Variants in NBEA observed in about 807,000 individuals in gnomAD.
NBEA encodes the protein lysosomal-trafficking regulator 2.
NBEA carries 44 observed loss-of-function variants against 343.4 expected under a neutral mutation model. The observed-to-expected ratio is 0.13, with a 90% CI of 0.10 to 0.16. The LOEUF (loss-of-function observed/expected upper bound fraction) is 0.16, where lower values mean the gene tolerates loss of function less well. Ranked by LOEUF, NBEA falls within the 10% of genes least tolerant of loss-of-function variation. The pLI is 1.00. For synonymous variants in NBEA, 1,175 were observed against 1,238.7 expected, an observed-to-expected ratio of 0.95 and a Z score of 1.08; for missense variants, 2,555 against 3,631.3, an observed-to-expected ratio of 0.70 and a Z score of 7.62.
In NBEA at chr13:35,117,464, C is replaced by T. The variant is rs749065438; in HGVS notation, c.2053C>T (p.Leu685=). The change falls in exon 14 of 59, where the codon CTA becomes TTA. Residue 685 remains leucine (L), a synonymous_variant. Coordinates refer to ENST00000379939, the MANE Select transcript of NBEA (RefSeq NM_001385012.1). The stretch of plus-strand genomic sequence containing the variant: ...AATTATATCACTGAGGGCATTTATG[C>T]TACTTTTTCTGAAACAGCTGATACT... ...KEIISLRAFM[L]LFLKQLILKD... The T allele has an allele frequency of 5.1e-6, 7 of 1,378,044 alleles. No individual in the cohort carries two copies. The highest frequency in any genetic ancestry group is 5.7e-6 in the Non-Finnish European group (6 of 1,052,152). The allele number at this position is 1,378,044 out of a possible 1,614,324, so 85.4% of individuals were successfully genotyped here.
At chr13:35,378,402 G>T (rs961689413) in intron 38 of NBEA, among the ~76,000 whole-genome samples, 1 of 152,126 alleles carries the variant, frequency 6.6e-6, no homozygotes, top group Non-Finnish European at 1.5e-5. Flanking sequence ...ACATATTTTG[G>T]TTTTGTCCTG....
chr13:34,988,506 A>AC (rs888742788), intron 1 of NBEA, among the ~76,000 whole-genome samples: 1 of 149,956 alleles, frequency 6.7e-6, no homozygotes, highest in African/African-American at 2.4e-5. Flanking sequence ...GCAATGGCAG[A>AC]CCCCCCTGCC....
chr13:35,431,104 C>CT (rs1361718516), intron 38 of NBEA, among the ~76,000 whole-genome samples: 10 of 151,462 alleles, frequency 6.6e-5, no homozygotes, highest in African/African-American at 2.4e-4. Context: ...AAATCCATAG[C>CT]TTTTTTTTGA....
At chr13:35,602,003 A>G (rs2082077615) in intron 47 of NBEA, among the ~76,000 whole-genome samples, 1 of 152,092 alleles carries the variant, frequency 6.6e-6, no homozygotes, top group Admixed American at 6.5e-5. Context: ...TTTTGTGAAG[A>G]TTAAGAAAAT....
chr13:35,036,273 A>G (rs1373639288), intron 1 of NBEA, among the ~76,000 whole-genome samples: 1 of 152,166 alleles, frequency 6.6e-6, no homozygotes, highest in Non-Finnish European at 1.5e-5. Flanking sequence ...ACAAGCAAAA[A>G]GAAAACTAGT....
intron 36 of NBEA, among the ~76,000 whole-genome samples, chr13:35,310,964 T>C (rs1021484943): frequency 1.3e-5 from 2 of 152,190 alleles, no homozygotes; most frequent in Non-Finnish European, 2.9e-5. Flanking sequence ...AAATATCTTC[T>C]GTTTTTATAA....
chr13:35,083,167 A>G (rs2152608955), intron 10 of NBEA, among the ~76,000 whole-genome samples: 1 of 152,358 alleles, frequency 6.6e-6, no homozygotes, highest in East Asian at 1.9e-4. Flanking sequence ...ACCATTTATT[A>G]AATAGGGAAT....
chr13:35,057,135 C>G (rs1359975459), intron 7 of NBEA, among the ~76,000 whole-genome samples: 1 of 152,140 alleles, frequency 6.6e-6, no homozygotes, highest in African/African-American at 2.4e-5. Context: ...AAAGTACCTC[C>G]AAGCTCAATA....
Position 35,099,996 on chromosome 13 carries a change from C to T in NBEA, c.1680+1591C>T, listed in dbSNP as rs73498482. On this transcript the variant is annotated intron_variant, in intron 11 of 58. Transcript: ENST00000379939. ...ATATTCAGCTGCTCTGAAAATGAAA[C>T]TGTTGGAGAAGTAATAGAAGTGAGA... Among the ~76,000 whole-genome samples the T allele has an allele frequency of 6.4e-3, 977 of 152,166 alleles. 11 individuals carry two copies. The highest frequency in any genetic ancestry group is 0.023 in the African/African-American group (936 of 41,540).
intron 47 of NBEA, among the ~76,000 whole-genome samples, chr13:35,598,121 C>G (rs2081890818): frequency 6.6e-6 from 1 of 152,196 alleles, no homozygotes; most frequent in Non-Finnish European, 1.5e-5. Context: ...CACAGCAATT[C>G]CTAATTTGGA....
chr13:35,336,003 G>A (rs2039235003), intron 36 of NBEA, among the ~76,000 whole-genome samples: 1 of 152,004 alleles, frequency 6.6e-6, no homozygotes, highest in South Asian at 2.1e-4. Context: ...ATTATTGAAG[G>A]GCTGTCCTTA....
chr13:35,134,970 T>C (rs1212345855), intron 17 of NBEA, among the ~76,000 whole-genome samples: 1 of 152,040 alleles, frequency 6.6e-6, no homozygotes, highest in East Asian at 1.9e-4. Context: ...TAATTCTTGG[T>C]AATATCATTT....
chr13:34,993,704 T>G (rs992544615), intron 1 of NBEA, among the ~76,000 whole-genome samples: 1 of 152,228 alleles, frequency 6.6e-6, no homozygotes, highest in Non-Finnish European at 1.5e-5. Flanking sequence ...CGACAGGCTA[T>G]AATGTCTATC....
chr13:35,197,917 A>AT (rs2072739761), intron 31 of NBEA, among the ~76,000 whole-genome samples: 2 of 152,204 alleles, frequency 1.3e-5, no homozygotes, highest in South Asian at 4.1e-4. Context: ...ACTGGTTATC[A>AT]TGCAGAATAT....
At chr13:35,156,301 C>A in intron 20 of NBEA, 95 bp downstream of exon 20, 1 of 1,253,378 alleles carries the variant, frequency 8.0e-7, no homozygotes, top group South Asian at 1.6e-5. Context: ...TTCCATATTG[C>A]TAAATACTTT....
intron 36 of NBEA, among the ~76,000 whole-genome samples, chr13:35,320,444 A>G (rs1296330773): frequency 6.6e-6 from 1 of 152,180 alleles, no homozygotes. Flanking sequence ...TCTGGCTTGT[A>G]GGGTTTCTGC....
chr13:35,281,504 A>G lies in NBEA; in HGVS notation c.5777-8885A>G, dbSNP rs911367684. ...AGTGAGGTTCGCCTGACTGACCTCT[A>G]CTTGAACCTGCCTTAGCCTGAAACC... On this transcript the variant is annotated intron_variant, in intron 34 of 58. Coordinates refer to ENST00000379939, the MANE Select transcript of NBEA (RefSeq NM_001385012.1). Among the ~76,000 whole-genome samples, 14 of 152,150 alleles carry G rather than the reference A, an allele frequency of 9.2e-5. 1 individual carries two copies. The highest frequency in any genetic ancestry group is 1.9e-4 in the Non-Finnish European group (13 of 68,012).
At chr13:35,034,412 A>G (rs544284152) in intron 1 of NBEA, among the ~76,000 whole-genome samples, 32 of 151,660 alleles carry the variant, frequency 2.1e-4, no homozygotes, top group African/African-American at 6.8e-4. Context: ...TTGGTGTGCT[A>G]TGTTTTTTGT....
At chr13:35,604,952 A>T (rs1041626358) in intron 47 of NBEA, among the ~76,000 whole-genome samples, 1 of 152,092 alleles carries the variant, frequency 6.6e-6, no homozygotes, top group Admixed American at 6.6e-5. Context: ...TATTATAACC[A>T]TCTGGTTCTA....
Sources: gnomAD v4.1 joint callset for allele counts (sites outside exome capture counted in the v4.1 genomes callset) on GRCh38, gnomAD v4.1.1 for gene constraint, MANE v1.5 for transcripts, NCBI Gene and HGNC (gene_info 2026-07-23, HGNC 2026-07-21) for gene names.